UBE2V1: variants seen among roughly 807,000 people sequenced by gnomAD.
The protein encoded by UBE2V1 is ubiquitin conjugating enzyme E2 V1, also known as ubiquitin-conjugating enzyme E2 variant 1.
Under a neutral mutation model 19.6 loss-of-function variants are expected in UBE2V1, and 15 were observed. That is an observed-to-expected ratio of 0.77 (90% CI 0.51 to 1.18). The LOEUF is 1.18. UBE2V1 is among the 50% of genes most tolerant of loss of function. The pLI, the probability that UBE2V1 is intolerant of heterozygous loss-of-function variation, is 0.00. For synonymous variants in UBE2V1, 60 were observed against 60.7 expected (o/e 0.99, Z 0.05); for missense variants, 125 against 184.8 (o/e 0.68, Z 1.88).
At chr20:50,098,408 G>A (rs1240227530) in intron 1 of UBE2V1, among the ~76,000 whole-genome samples, 1 of 152,208 alleles carries the variant, frequency 6.6e-6, no homozygotes, top group Non-Finnish European at 1.5e-5. Context: ...GTGAGGATGA[G>A]AGTGAAGGGA....
rs534895487 is a variant in UBE2V1, at chr20:50,097,254, T to C, written c.23-434A>G. Among the ~76,000 whole-genome samples, 49 of 152,318 alleles carry C rather than the reference T, an allele frequency of 3.2e-4. No homozygotes were observed. The Middle Eastern group carries it at 0.01, about 32-fold the overall frequency. On this transcript the variant is annotated intron_variant, in intron 1 of 3. Transcript: ENST00000371674. ...ACTCTCAAACAACCTTTAGGAGGAA[T>C]AGTCACCATGGATATGGGAAATAAA... is the stretch of plus-strand genomic sequence containing the variant.
rs1343402798 is a variant in UBE2V1, at chr20:50,081,360, A to C, written c.*1408T>G. On this transcript the variant is annotated 3_prime_UTR_variant, in exon 4 of 4. Coordinates refer to ENST00000371674, the MANE Select transcript of UBE2V1 (RefSeq NM_001032288.3). ...AAATACTAAATTAAAAAAAAAAAAAAAACCTTTAGTACACAATGAATTGCT... is the reference window on the plus strand; with the variant it reads ...AAATACTAAATTAAAAAAAAAAAAACAACCTTTAGTACACAATGAATTGCT... 3.3e-5 allele frequency: 5 copies of C among 152,578 alleles called. No individual in the cohort carries two copies. Among genetic ancestry groups the C allele is most frequent in the East Asian group, 1.9e-4 (1 of 5,192 alleles). 9.5% of individuals were successfully genotyped at this position (152,578 alleles called of 1,614,324 possible).
intron 2 of UBE2V1, among the ~76,000 whole-genome samples, chr20:50,087,584 T>C (rs2078996182): frequency 6.6e-6 from 1 of 152,174 alleles, no homozygotes; most frequent in Non-Finnish European, 1.5e-5. Context: ...GATTCATTAT[T>C]TGATCATGAA....
intron 1 of UBE2V1, among the ~76,000 whole-genome samples, chr20:50,106,390 C>A (rs1017792658): frequency 3.3e-5 from 5 of 152,162 alleles, no homozygotes; most frequent in African/African-American, 1.2e-4. Flanking sequence ...ATGCAGTAAT[C>A]TGAAACACAG....
rs200602780 is a variant in UBE2V1 at position 50,082,747 on chromosome 20, G to A, written c.*21C>T. ...AATCGAATTGGGGGGAAGGGGAAGG[G>A]CCTGTGGTTTTTCTTTTTGATTAAT... is the stretch of plus-strand genomic sequence containing the variant. On this transcript the variant is annotated 3_prime_UTR_variant, in exon 4 of 4. Transcript: ENST00000371674. 126 of 1,606,170 alleles carry A rather than the reference G, an allele frequency of 7.8e-5. No individual in the cohort carries two copies. The Admixed American group carries it at 2.0e-3, about 26-fold the overall frequency.
intron 2 of UBE2V1, among the ~76,000 whole-genome samples, chr20:50,093,996 A>ATT (rs1568987395): frequency 2.7e-4 from 34 of 126,520 alleles, no homozygotes; most frequent in African/African-American, 7.9e-4. Flanking sequence ...TCAAAAAAAA[A>ATT]AAAAAAAAAA....
chr20:50,081,434 C>T lies in UBE2V1; in HGVS notation c.*1334G>A, dbSNP rs2078640314. 6.6e-6 allele frequency: 1 copy of T among 152,256 alleles called. No individual in the cohort carries two copies. Among genetic ancestry groups the T allele is most frequent in the Non-Finnish European group, 1.5e-5 (1 of 68,022 alleles). 9.4% of individuals were successfully genotyped at this position (152,256 alleles called of 1,614,324 possible). A position where few individuals can be genotyped will look rare whatever the true frequency, so the allele number is the denominator to read the frequency against. ...TTCAGCATTTAGTGGTCCTGAACAG[C>T]AAGTGGAAAGACGCAGCAATTTGCC... On this transcript the variant is annotated 3_prime_UTR_variant, in exon 4 of 4. Transcript: ENST00000371674.
intron 2 of UBE2V1, chr20:50,084,814 C>A (rs200693668): frequency 2.5e-5 from 4 of 160,074 alleles, no homozygotes. Context: ...TCCCTGCAGT[C>A]TTTTTTTTTT....
At chr20:50,112,442 C>T (rs2080817987) in intron 1 of UBE2V1, among the ~76,000 whole-genome samples, 1 of 152,202 alleles carries the variant, frequency 6.6e-6, no homozygotes, top group African/African-American at 2.4e-5. Flanking sequence ...CCTCTGGCAT[C>T]TGAATCCTTT....
At chr20:50,105,509 T>C (rs2080296868) in intron 1 of UBE2V1, among the ~76,000 whole-genome samples, 1 of 152,214 alleles carries the variant, frequency 6.6e-6, no homozygotes, top group South Asian at 2.1e-4. Context: ...AACCCAAGAA[T>C]ACTCTAACAT....
intron 2 of UBE2V1, chr20:50,084,513 A>G (rs1312891582): frequency 3.4e-6 from 2 of 592,808 alleles, no homozygotes; most frequent in Admixed American, 4.3e-5. Flanking sequence ...AAGTCTAATC[A>G]GAGGGACCTG....
intron 2 of UBE2V1, among the ~76,000 whole-genome samples, chr20:50,087,718 G>C (rs1036659377): frequency 1.3e-5 from 2 of 152,176 alleles, no homozygotes; most frequent in Admixed American, 1.3e-4. Flanking sequence ...CCTTCAGAGA[G>C]ACGCAAACTT....
intron 2 of UBE2V1, among the ~76,000 whole-genome samples, chr20:50,093,361 T>C (rs772178768): frequency 2.0e-4 from 30 of 152,250 alleles, no homozygotes; most frequent in Non-Finnish European, 3.8e-4. Flanking sequence ...TCTATTTAGA[T>C]GCTTTAATAA....
intron 2 of UBE2V1, among the ~76,000 whole-genome samples, chr20:50,088,898 C>G (rs2079071329): frequency 1.3e-5 from 2 of 151,976 alleles, no homozygotes; most frequent in African/African-American, 4.8e-5. Context: ...TTAGGTCAAC[C>G]AGTCACCTGC....
chr20:50,085,634 C>A (rs537852290), intron 2 of UBE2V1, among the ~76,000 whole-genome samples: 57 of 152,250 alleles, frequency 3.7e-4, no homozygotes, highest in African/African-American at 1.3e-3. Flanking sequence ...GTGTAAACAG[C>A]GGCATCTAGT....
intron 1 of UBE2V1, among the ~76,000 whole-genome samples, chr20:50,108,502 A>G (rs1161658391): frequency 7.9e-5 from 12 of 152,190 alleles, no homozygotes; most frequent in Admixed American, 7.9e-4. Context: ...CGTGTCCTGA[A>G]GCAACACCAT....
intron 1 of UBE2V1, among the ~76,000 whole-genome samples, chr20:50,101,686 CAT>C (rs956713555): frequency 1.3e-5 from 2 of 150,346 alleles, no homozygotes; most frequent in Admixed American, 1.3e-4. Flanking sequence ...TTATCAGTAA[CAT>C]ATAGGCACAC....
At position 50,096,654 on chromosome 20, in the gene UBE2V1, C is replaced by T. The variant is rs1026342312; in HGVS notation, c.171+18G>A. On this transcript the variant is annotated intron_variant, in intron 2 of 3. Coordinates refer to ENST00000371674, the MANE Select transcript of UBE2V1 (RefSeq NM_001032288.3). ...GAATTTAAGACATTGACATTTATAG[C>T]CGTAGCTCGACGCTTACTCTTGGAG... 1.2e-6 allele frequency: 2 copies of T among 1,612,764 alleles called. No homozygotes were observed. The highest frequency in any genetic ancestry group is 1.7e-6 in the Non-Finnish European group (2 of 1,179,346).
chr20:50,111,254 T>C (rs1369317629), intron 1 of UBE2V1: 3 of 985,794 alleles, frequency 3.0e-6, no homozygotes, highest in East Asian at 2.3e-4. Context: ...GCTGACATTT[T>C]ATCTGATCAC....
Sources: gnomAD v4.1 joint callset for allele counts (sites outside exome capture counted in the v4.1 genomes callset) on GRCh38, gnomAD v4.1.1 for gene constraint, MANE v1.5 for transcripts, NCBI Gene and HGNC (gene_info 2026-07-23, HGNC 2026-07-21) for gene names.